The following PIK3CB variants were observed in gnomAD, a reference collection of about 807,000 sequenced individuals.
The protein encoded by PIK3CB is phosphatidylinositol-4,5-bisphosphate 3-kinase catalytic subunit beta, also known as phosphatidylinositol 4,5-bisphosphate 3-kinase catalytic subunit beta isoform.
PIK3CB carries 39 observed loss-of-function variants against 136.8 expected under a neutral mutation model. The observed-to-expected ratio is 0.29, with a 90% CI of 0.22 to 0.37. The LOEUF (loss-of-function observed/expected upper bound fraction) is 0.37, where lower values mean the gene tolerates loss of function less well. Among genes scored for constraint, PIK3CB ranks in the 10% least tolerant of loss-of-function variants. The pLI, the probability that PIK3CB is intolerant of heterozygous loss-of-function variation, is 1.00. For missense variants in PIK3CB, 868 were observed against 1,275.4 expected (o/e 0.68, Z 4.87); for synonymous variants, 428 against 436.6 (o/e 0.98, Z 0.25).
At chr3:138,801,076 C>G (rs747400414) in intron 1 of PIK3CB, among the ~76,000 whole-genome samples, 3 of 152,122 alleles carry the variant, frequency 2.0e-5, no homozygotes, top group African/African-American at 2.4e-5. Context: ...ATGTAGCCTA[C>G]TTATTACAGT....
chr3:138,741,826 TAA>T (rs754247884), intron 5 of PIK3CB, among the ~76,000 whole-genome samples: 29 of 129,560 alleles, frequency 2.2e-4, no homozygotes, highest in Non-Finnish European at 2.3e-4. Context: ...AGACTCCGTC[TAA>T]AAAAAAAAAA....
At chr3:138,722,174 A>AT (rs1237627674) in intron 8 of PIK3CB, among the ~76,000 whole-genome samples, 2 of 114,262 alleles carry the variant, frequency 1.8e-5, no homozygotes, top group Admixed American at 1.7e-4. Flanking sequence ...ACTATCCTCT[A>AT]TTTTTTTTAA....
chr3:138,678,949 C>T (rs1420277942), intron 19 of PIK3CB, among the ~76,000 whole-genome samples: 1 of 152,014 alleles, frequency 6.6e-6, no homozygotes, highest in Non-Finnish European at 1.5e-5. Context: ...GCCTGTAATC[C>T]CAGCTACTCG....
chr3:138,774,591 G>A (rs1406657636), intron 2 of PIK3CB, among the ~76,000 whole-genome samples: 1 of 152,156 alleles, frequency 6.6e-6, no homozygotes, highest in Non-Finnish European at 1.5e-5. Flanking sequence ...GTACCATCAT[G>A]ACAATCAGGA....
At chr3:138,671,531 C>A (rs1343976124) in intron 19 of PIK3CB, among the ~76,000 whole-genome samples, 2 of 152,026 alleles carry the variant, frequency 1.3e-5, no homozygotes, top group Admixed American at 1.3e-4. Context: ...CTCTAGGTTC[C>A]AAAAATAGAG....
chr3:138,798,604 G>A (rs1220232777), intron 1 of PIK3CB, among the ~76,000 whole-genome samples: 2 of 152,126 alleles, frequency 1.3e-5, no homozygotes, highest in Non-Finnish European at 2.9e-5. Flanking sequence ...GGATATAGGT[G>A]GGAAAGACTT....
At chr3:138,744,592 T>C (rs2045316045) in intron 4 of PIK3CB, among the ~76,000 whole-genome samples, 1 of 151,934 alleles carries the variant, frequency 6.6e-6, no homozygotes, top group Non-Finnish European at 1.5e-5. Context: ...ACTTCACAGA[T>C]ATACATCATA....
At chr3:138,705,176 AAAAACAAAACAAAC>A (rs1559828652) in intron 11 of PIK3CB, among the ~76,000 whole-genome samples, 1,738 of 89,586 alleles carry the variant, frequency 0.019, 392 homozygotes, top group East Asian at 0.061. Context: ...AAAAAAAACA[AAAAACAAAACAAAC>A]AAAAAAAAAA....
At chr3:138,831,133 A>G (rs534651558) in intron 1 of PIK3CB, among the ~76,000 whole-genome samples, 7 of 147,840 alleles carry the variant, frequency 4.7e-5, no homozygotes, top group Admixed American at 1.4e-4. Flanking sequence ...AAAAAATACA[A>G]AAAATTAGCC....
At chr3:138,748,705 G>C (rs2045410966) in intron 4 of PIK3CB, among the ~76,000 whole-genome samples, 1 of 152,188 alleles carries the variant, frequency 6.6e-6, no homozygotes, top group Non-Finnish European at 1.5e-5. Flanking sequence ...AAAGTAGGTA[G>C]AGAATGGGTC....
At chr3:138,723,243 T>A (rs2044765544) in intron 8 of PIK3CB, among the ~76,000 whole-genome samples, 1 of 152,156 alleles carries the variant, frequency 6.6e-6, no homozygotes, top group Non-Finnish European at 1.5e-5. Flanking sequence ...CATTTTAAAG[T>A]ATAATTTATT....
chr3:138,831,241 G>A (rs1038131771), intron 1 of PIK3CB, among the ~76,000 whole-genome samples: 1 of 143,716 alleles, frequency 7.0e-6, no homozygotes, highest in Non-Finnish European at 1.5e-5. Context: ...CTGGGCAACA[G>A]AGTGAGACTC....
chr3:138,809,909 G>C (rs1559887212), intron 1 of PIK3CB, among the ~76,000 whole-genome samples: 1 of 152,084 alleles, frequency 6.6e-6, no homozygotes, highest in Non-Finnish European at 1.5e-5. Context: ...CAATAAAAGG[G>C]ACCAGTTCCC....
Position 138,705,155 on chromosome 3 carries a change from CAAAA to C in PIK3CB, c.1531-666_1531-663del, listed in dbSNP as rs1312893752. ...AAGACTCTCCAAGAGATTAGAAAGG[CAAAA>C]AAAAAAAAAAAAAACAAAAAACAAA... On this transcript the variant is annotated intron_variant, in intron 11 of 23. Transcript: ENST00000674063. 7.7e-4 allele frequency among the ~76,000 whole-genome samples: 23 copies of C among 29,870 alleles called. 1 individual carries two copies. The highest frequency in any genetic ancestry group is 4.3e-3 in the East Asian group (1 of 232). 19.6% of individuals were successfully genotyped at this position (29,870 alleles called of 152,430 possible).
intron 5 of PIK3CB, among the ~76,000 whole-genome samples, chr3:138,739,433 C>T (rs182855925): frequency 6.6e-6 from 1 of 151,336 alleles, no homozygotes; most frequent in African/African-American, 2.4e-5. Flanking sequence ...CAGAGCGAGA[C>T]TCCGACTCAA....
chr3:138,757,817 T>A (rs750678116), intron 3 of PIK3CB, among the ~76,000 whole-genome samples: 2 of 152,112 alleles, frequency 1.3e-5, no homozygotes, highest in Non-Finnish European at 2.9e-5. Context: ...GTCCCAACAT[T>A]ATATGGTGCA....
At chr3:138,745,644 C>T (rs2045340143) in intron 4 of PIK3CB, among the ~76,000 whole-genome samples, 1 of 152,012 alleles carries the variant, frequency 6.6e-6, no homozygotes, top group Non-Finnish European at 1.5e-5. Flanking sequence ...AAAAAAAAGG[C>T]AGCCCCTTAC....
chr3:138,683,344 C>T (rs1318893068), intron 18 of PIK3CB, among the ~76,000 whole-genome samples: 1 of 147,034 alleles, frequency 6.8e-6, no homozygotes. Context: ...ACAGTGAGAC[C>T]CTGTCTCAAA....
At chr3:138,797,612 T>C (rs926015911) in intron 1 of PIK3CB, among the ~76,000 whole-genome samples, 6 of 152,156 alleles carry the variant, frequency 3.9e-5, no homozygotes, top group South Asian at 2.1e-4. Flanking sequence ...ATAAAGCTGA[T>C]TGTTTTTCCA....
Sources: allele counts gnomAD v4.1 joint callset (sites outside exome capture counted in the v4.1 genomes callset), GRCh38; gene constraint gnomAD v4.1.1; transcripts MANE v1.5; gene names NCBI Gene and HGNC (gene_info 2026-07-23, HGNC 2026-07-21).